Variants in PADI4 observed in about 807,000 individuals in gnomAD.
PADI4 encodes protein-arginine deiminase type-4.
Under a neutral mutation model 75.0 loss-of-function variants are expected in PADI4, and 62 were observed. The ratio of observed to expected loss-of-function variants is 0.83; its 90% CI spans 0.67 to 1.02. The LOEUF is 1.02. Among genes scored for constraint, PADI4 ranks in the 50% least tolerant of loss-of-function variants. PADI4 has a pLI of 0.00. For missense variants in PADI4, 845 were observed against 850.5 expected (o/e 0.99, Z 0.08); for synonymous variants, 361 against 348.1 (o/e 1.04, Z -0.41).
At chr1:17,336,119 G>T (rs752473397) in intron 3 of PADI4, 40 bp from the exon 4 acceptor site, 2 of 1,486,700 alleles carry the variant, frequency 1.3e-6, no homozygotes, top group South Asian at 1.1e-5. Context: ...CCCAACCCCG[G>T]ACCCTCACCA....
chr1:17,331,293 A>G, intron 2 of PADI4, 144 bp downstream of exon 2: 1 of 668,994 alleles, frequency 1.5e-6, no homozygotes, highest in Non-Finnish European at 2.5e-6. Context: ...TTCCAGCCAT[A>G]GTGTCCTTGG....
chr1:17,317,100 G>A (rs543975039), intron 1 of PADI4, among the ~76,000 whole-genome samples: 1 of 152,162 alleles, frequency 6.6e-6, no homozygotes, highest in Non-Finnish European at 1.5e-5. Flanking sequence ...TTGTCATGGA[G>A]ATGCCTGTAG....
chr1:17,345,928 C>T (rs990671778), intron 8 of PADI4, 100 bp from the exon 9 acceptor site: 3 of 720,638 alleles, frequency 4.2e-6, no homozygotes, highest in Non-Finnish European at 7.4e-6. Flanking sequence ...TCTGTTCAGG[C>T]CACAGGTGAC....
chr1:17,309,264 A>G (rs1569961857), intron 1 of PADI4, among the ~76,000 whole-genome samples: 1 of 151,404 alleles, frequency 6.6e-6, no homozygotes, highest in East Asian at 1.9e-4. Context: ...TTTTCCAGGC[A>G]TTGTAAAGAC....
At chr1:17,362,351 CAAAAAAA>C (rs34897407) in intron 15 of PADI4, among the ~76,000 whole-genome samples, 30 of 107,372 alleles carry the variant, frequency 2.8e-4, no homozygotes, top group African/African-American at 8.4e-4. Flanking sequence ...GACCCTGTCT[CAAAAAAA>C]AAAAAAAAAA....
intron 1 of PADI4, among the ~76,000 whole-genome samples, chr1:17,314,013 C>T (rs72633836): frequency 0.015 from 2,311 of 152,318 alleles, 32 homozygotes; most frequent in Admixed American, 0.024. Flanking sequence ...TCCCAGCTGG[C>T]CCTTACCTCT....
At chr1:17,332,350 G>A (rs973979368) in intron 2 of PADI4, among the ~76,000 whole-genome samples, 2 of 152,088 alleles carry the variant, frequency 1.3e-5, no homozygotes, top group Non-Finnish European at 2.9e-5. Context: ...GGGTTCAAAC[G>A]ATTCTCCTAC....
chr1:17,330,713 T>C (rs2074194840), intron 1 of PADI4, among the ~76,000 whole-genome samples: 1 of 152,212 alleles, frequency 6.6e-6, no homozygotes, highest in Non-Finnish European at 1.5e-5. Context: ...GTTTTTGTTG[T>C]AGCCTTGCTG....
chr1:17,331,178 G>A lies in PADI4; in HGVS notation c.273+29G>A, dbSNP rs1287957104. ...AGTGTCATAGCTGTGGGGTGGCAGTGTGGATGGGCTTCAGCAGGGCAGCCA... is the reference window on the plus strand; with the variant it reads ...AGTGTCATAGCTGTGGGGTGGCAGTATGGATGGGCTTCAGCAGGGCAGCCA... On this transcript the variant is annotated intron_variant, in intron 2 of 15. Coordinates refer to ENST00000375448, the MANE Select transcript of PADI4 (RefSeq NM_012387.3). 13 of 1,590,194 alleles carry A rather than the reference G, an allele frequency of 8.2e-6. No individual in the cohort carries two copies. The Middle Eastern group carries it at 1.3e-3, about 162-fold the overall frequency.
chr1:17,308,845 G>A (rs1557531919), intron 1 of PADI4, among the ~76,000 whole-genome samples: 1 of 152,124 alleles, frequency 6.6e-6, no homozygotes. Context: ...TTGGGCAACT[G>A]AGCCTCAGTT....
At chr1:17,361,924 G>A (rs934194481) in intron 15 of PADI4, among the ~76,000 whole-genome samples, 9 of 152,196 alleles carry the variant, frequency 5.9e-5, no homozygotes, top group African/African-American at 1.9e-4. Context: ...TGGGAGTTAT[G>A]GGAACACAGA....
At chr1:17,330,793 C>T (rs956135982) in intron 1 of PADI4, among the ~76,000 whole-genome samples, 176 bp from the exon 2 acceptor site, 20 of 152,162 alleles carry the variant, frequency 1.3e-4, no homozygotes, top group African/African-American at 4.8e-4. Flanking sequence ...GACTCAAATG[C>T]CAACCTCCTC....
intron 14 of PADI4, 122 bp from the exon 15 acceptor site, chr1:17,359,158 T>C: frequency 1.3e-6 from 1 of 765,730 alleles, no homozygotes; most frequent in Non-Finnish European, 2.1e-6. Context: ...CCACCTTCAC[T>C]GCCTTCCTGA....
At chr1:17,351,427 C>CA (rs557108589) in intron 10 of PADI4, among the ~76,000 whole-genome samples, 5,750 of 101,298 alleles carry the variant, frequency 0.057, 142 homozygotes, top group Non-Finnish European at 0.077. Flanking sequence ...CCTGTCTCTA[C>CA]AAAAAAAAAA....
rs551427733 is a variant in PADI4 at position 17,344,174 on chromosome 1, AAG to A, written c.935+1776_935+1777del. Among the ~76,000 whole-genome samples, 11 of 152,306 alleles carry A rather than the reference AAG, an allele frequency of 7.2e-5. No individual in the cohort carries two copies. In the East Asian group the frequency reaches 2.1e-3, roughly 29 times the overall value. On this transcript the variant is annotated intron_variant, in intron 8 of 15. Coordinates refer to ENST00000375448, the MANE Select transcript of PADI4 (RefSeq NM_012387.3). ...AGGTGACTCTTGTTATGTTTTAGCAAAGAGACTGGTGGCATTTTGTACCTGCC... is the reference window on the plus strand; with the variant it reads ...AGGTGACTCTTGTTATGTTTTAGCAAAGACTGGTGGCATTTTGTACCTGCC...
At chr1:17,332,377 G>T (rs941087924) in intron 2 of PADI4, among the ~76,000 whole-genome samples, 8 of 152,108 alleles carry the variant, frequency 5.3e-5, no homozygotes, top group Non-Finnish European at 7.4e-5. Context: ...CTCCCAAGTA[G>T]CTGGGAGTAC....
At chr1:17,332,906 C>T (rs903690649) in intron 2 of PADI4, among the ~76,000 whole-genome samples, 1 of 152,088 alleles carries the variant, frequency 6.6e-6, no homozygotes, top group Non-Finnish European at 1.5e-5. Context: ...GAGAGTTTGA[C>T]ACAGAGGGGC....
chr1:17,339,372 G>A (rs1428296459), intron 5 of PADI4, among the ~76,000 whole-genome samples: 5 of 152,098 alleles, frequency 3.3e-5, no homozygotes, highest in South Asian at 4.1e-4. Context: ...GGGAGTTCTC[G>A]GCTTTCTAGG....
intron 1 of PADI4, among the ~76,000 whole-genome samples, chr1:17,312,978 T>C (rs370520971): frequency 2.6e-4 from 39 of 149,002 alleles, no homozygotes; most frequent in African/African-American, 8.7e-4. Context: ...GATCATGAGG[T>C]CAAGGGATGG....
Sources: gnomAD v4.1 joint callset for allele counts (sites outside exome capture counted in the v4.1 genomes callset) on GRCh38, gnomAD v4.1.1 for gene constraint, MANE v1.5 for transcripts, NCBI Gene and HGNC (gene_info 2026-07-23, HGNC 2026-07-21) for gene names.